Variants in TRIQK observed in about 807,000 individuals in gnomAD.
The protein encoded by TRIQK is triple QxxK/R motif containing, also known as triple QxxK/R motif-containing protein.
TRIQK carries 10 observed loss-of-function variants against 10.8 expected under a neutral mutation model. The observed-to-expected ratio is 0.92, with a 90% CI of 0.57 to 1.57. The LOEUF (loss-of-function observed/expected upper bound fraction) is 1.57. Ranked by LOEUF, TRIQK falls within the 40% of genes most tolerant of loss-of-function variation. The probability of loss-of-function intolerance (pLI) is 0.00; values close to 1 mark genes in which losing one functional copy is unlikely to be tolerated. For synonymous variants in TRIQK, 33 were observed against 33.7 expected (o/e 0.98, Z 0.07); for missense variants, 107 against 97.7 (o/e 1.09, Z -0.40).
chr8:92,967,647 C>A (rs982142468), upstream of TRIQK, among the ~76,000 whole-genome samples: 26 of 151,788 alleles, frequency 1.7e-4, no homozygotes, highest in African/African-American at 6.3e-4. Context: ...CATGGTGAAA[C>A]CCCGTCTCTA....
chr8:92,917,668 G>A (rs1809938143), intron 2 of TRIQK, among the ~76,000 whole-genome samples: 1 of 151,930 alleles, frequency 6.6e-6, no homozygotes, highest in South Asian at 2.1e-4. Context: ...TATACAATGA[G>A]TAATGACCAG....
intron 4 of TRIQK, among the ~76,000 whole-genome samples, chr8:92,890,892 T>C (rs748064212): frequency 1.6e-4 from 24 of 152,000 alleles, no homozygotes; most frequent in Middle Eastern, 3.4e-3. Context: ...TTTTAAAAAG[T>C]CACGTCATAA....
intron 3 of TRIQK, among the ~76,000 whole-genome samples, chr8:92,915,585 G>A (rs1038631114): frequency 5.5e-4 from 84 of 151,480 alleles, no homozygotes; most frequent in African/African-American, 1.9e-3. Context: ...CCGGGTTCCC[G>A]GGTTCACGCC....
intron 1 of TRIQK, among the ~76,000 whole-genome samples, chr8:92,959,528 G>T (rs1812343378): frequency 6.9e-6 from 1 of 144,266 alleles, no homozygotes; most frequent in Admixed American, 6.9e-5. Context: ...CACACAAAAT[G>T]GCTTTTGTGT....
At chr8:92,923,747 T>C (rs1246560073) in intron 2 of TRIQK, among the ~76,000 whole-genome samples, 1 of 151,982 alleles carries the variant, frequency 6.6e-6, no homozygotes, top group African/African-American at 2.4e-5. Flanking sequence ...GTTTTTAGTA[T>C]GCTTTCTTAA....
rs564834242 is a variant in TRIQK at position 92,889,891 on chromosome 8, C to A, written c.147+2098G>T. Among the ~76,000 whole-genome samples, 9 of 151,722 alleles carry A rather than the reference C, an allele frequency of 5.9e-5. No homozygotes were observed. In the South Asian group the frequency reaches 1.9e-3, roughly 32 times the overall value. ...TTCTCATTGCTGTTATTTTTCTATC[C>A]ATGCATCTGTTCATATTTTCTATAG... On this transcript the variant is annotated intron_variant, in intron 4 of 4. Transcript: ENST00000521988.
intron 2 of TRIQK, among the ~76,000 whole-genome samples, chr8:92,924,161 C>A (rs1810326291): frequency 6.6e-6 from 1 of 151,912 alleles, no homozygotes; most frequent in African/African-American, 2.4e-5. Context: ...AAGTTGAGAA[C>A]CAATCATGAA....
intron 1 of TRIQK, among the ~76,000 whole-genome samples, chr8:92,995,302 C>T (rs1374899718): frequency 6.6e-6 from 1 of 151,980 alleles, no homozygotes; most frequent in Admixed American, 6.6e-5. Context: ...GATTCTTTAT[C>T]CTTTAGTTTT....
intron 3 of TRIQK, among the ~76,000 whole-genome samples, chr8:92,912,749 A>G (rs190291760): frequency 1.4e-3 from 219 of 152,056 alleles, no homozygotes; most frequent in Middle Eastern, 6.8e-3. Context: ...GTAAGTTCCT[A>G]AAAATATGCA....
intron 2 of TRIQK, among the ~76,000 whole-genome samples, chr8:92,950,850 T>C (rs1187985129): frequency 6.6e-6 from 1 of 152,148 alleles, no homozygotes; most frequent in African/African-American, 2.4e-5. Flanking sequence ...TTTTCTATTT[T>C]CTTTTTGAAT....
chr8:92,965,040 G>GTA (rs1206133235), intron 1 of TRIQK: 2 of 152,234 alleles, frequency 1.3e-5, no homozygotes, highest in East Asian at 3.9e-4. Flanking sequence ...AGGAGACAGA[G>GTA]TATATGAGCA....
At chr8:92,902,714 A>G (rs1809016079) in intron 3 of TRIQK, among the ~76,000 whole-genome samples, 1 of 152,128 alleles carries the variant, frequency 6.6e-6, no homozygotes, top group African/African-American at 2.4e-5. Flanking sequence ...TAAAATTTCA[A>G]TGTGAAAATC....
chr8:92,919,402 TG>T (rs912742510), intron 2 of TRIQK, among the ~76,000 whole-genome samples: 71 of 152,020 alleles, frequency 4.7e-4, no homozygotes, highest in African/African-American at 1.7e-3. Context: ...AATAATCGTA[TG>T]GTGTTTATTC....
intron 2 of TRIQK, among the ~76,000 whole-genome samples, chr8:92,943,135 C>T (rs540645971): frequency 1.3e-5 from 2 of 150,660 alleles, no homozygotes; most frequent in South Asian, 2.1e-4. Flanking sequence ...AAACTCTCCG[C>T]AGTGAAAACT....
At chr8:92,924,939 C>A (rs1206461325) in intron 2 of TRIQK, among the ~76,000 whole-genome samples, 1 of 151,958 alleles carries the variant, frequency 6.6e-6, no homozygotes, top group Non-Finnish European at 1.5e-5. Context: ...AAACTAATGT[C>A]CTTTATAGCC....
chr8:92,953,094 T>G (rs1316237502), intron 2 of TRIQK, among the ~76,000 whole-genome samples: 3 of 152,058 alleles, frequency 2.0e-5, no homozygotes, highest in Non-Finnish European at 4.4e-5. Flanking sequence ...CAACATAGTC[T>G]GATTTAAATG....
At chr8:92,927,091 G>T (rs985145719) in intron 2 of TRIQK, among the ~76,000 whole-genome samples, 3 of 151,450 alleles carry the variant, frequency 2.0e-5, no homozygotes, top group African/African-American at 7.3e-5. Flanking sequence ...AGGATTTATG[G>T]GCAACACCAA....
At chr8:92,956,452 T>C (rs1812177107) in intron 1 of TRIQK, among the ~76,000 whole-genome samples, 1 of 151,768 alleles carries the variant, frequency 6.6e-6, no homozygotes. Context: ...GAAAATATTC[T>C]GAAATTAGAT....
intron 2 of TRIQK, among the ~76,000 whole-genome samples, chr8:92,953,052 G>C (rs1811991294): frequency 6.6e-6 from 1 of 151,928 alleles, no homozygotes; most frequent in Non-Finnish European, 1.5e-5. Flanking sequence ...TGATACAAAG[G>C]GTTACTTTTC....
Sources: allele counts gnomAD v4.1 joint callset (sites outside exome capture counted in the v4.1 genomes callset), GRCh38; gene constraint gnomAD v4.1.1; transcripts MANE v1.5; gene names NCBI Gene and HGNC (gene_info 2026-07-23, HGNC 2026-07-21).